The following CSGALNACT1 variants were observed in gnomAD, a reference collection of about 807,000 sequenced individuals.
CSGALNACT1 encodes beta4GalNAcT-1.
A neutral mutation model predicts 51.0 loss-of-function variants in CSGALNACT1; 52 were observed. That is an observed-to-expected ratio of 1.02 (90% CI 0.82 to 1.29). The LOEUF is 1.29. CSGALNACT1 is among the 50% of genes most tolerant of loss of function. The pLI, the probability that CSGALNACT1 is intolerant of heterozygous loss-of-function variation, is 0.00. For missense variants in CSGALNACT1, 935 were observed against 679.2 expected (o/e 1.38, Z -4.19); for synonymous variants, 341 against 254.4 (o/e 1.34, Z -3.24).
intron 3 of CSGALNACT1, chr8:19,588,006 C>T (rs774873030): frequency 6.6e-5 from 10 of 152,074 alleles, no homozygotes; most frequent in African/African-American, 2.2e-4. Context: ...GCCTGGTCAA[C>T]GTTGCAAAAC....
chr8:19,647,661 A>C (rs1314348676), intron 1 of CSGALNACT1, among the ~76,000 whole-genome samples: 7 of 152,216 alleles, frequency 4.6e-5, no homozygotes, highest in African/African-American at 1.7e-4. Flanking sequence ...ATGGCTGCAT[A>C]ATTTACAAAA....
upstream of CSGALNACT1, among the ~76,000 whole-genome samples, chr8:19,683,901 C>T (rs937154806): frequency 6.6e-6 from 1 of 152,110 alleles, no homozygotes; most frequent in Non-Finnish European, 1.5e-5. Context: ...AGTGGTGGCT[C>T]ATGCCTGTAA....
intron 3 of CSGALNACT1, among the ~76,000 whole-genome samples, chr8:19,529,242 C>T (rs935182532): frequency 6.6e-6 from 1 of 152,102 alleles, no homozygotes; most frequent in Non-Finnish European, 1.5e-5. Flanking sequence ...GAAATGGAGA[C>T]AATGAATATG....
chr8:19,436,865 C>G (rs2060466323), intron 6 of CSGALNACT1, among the ~76,000 whole-genome samples: 1 of 152,212 alleles, frequency 6.6e-6, no homozygotes, highest in Non-Finnish European at 1.5e-5. Context: ...GAGGTATGAT[C>G]ACACCACTGC....
chr8:19,657,785 G>C (rs6421414), intron 1 of CSGALNACT1, among the ~76,000 whole-genome samples: 127,443 of 152,070 alleles, frequency 0.84, 53,681 homozygotes, highest in East Asian at 0.98. Context: ...CATGCGGGAG[G>C]AAATTATATG....
intron 1 of CSGALNACT1, among the ~76,000 whole-genome samples, chr8:19,658,805 G>T (rs2058517780): frequency 6.6e-6 from 1 of 152,132 alleles, no homozygotes; most frequent in Non-Finnish European, 1.5e-5. Context: ...ATTTTCATTA[G>T]CTATGACATT....
chr8:19,560,108 A>G (rs1403946654), intron 3 of CSGALNACT1, among the ~76,000 whole-genome samples: 2 of 152,212 alleles, frequency 1.3e-5, no homozygotes, highest in Admixed American at 1.3e-4. Flanking sequence ...TTGCATAGGT[A>G]GTAAGTAGAA....
chr8:19,450,742 C>G (rs1341785750), intron 5 of CSGALNACT1, among the ~76,000 whole-genome samples: 2 of 151,976 alleles, frequency 1.3e-5, no homozygotes, highest in African/African-American at 2.4e-5. Context: ...CAGAGCAAGA[C>G]TTTGTCTCTA....
At position 19,461,811 on chromosome 8, in the gene CSGALNACT1, AGCAGCCACATTAGCC is replaced by A. The variant is rs1253365370; in HGVS notation, c.635-3184_635-3170del. On this transcript the variant is annotated intron_variant, in intron 4 of 9. Transcript: ENST00000454498. ...TTCACCATGGAGGGCGTATCCCCAC[AGCAGCCACATTAGCC>A]ATGGAGGGTGTATCTGCACAGCAGC... 4.9e-4 allele frequency among the ~76,000 whole-genome samples: 45 copies of A among 92,566 alleles called. 15 individuals are homozygous for A. In the East Asian group the frequency reaches 5.5e-3, roughly 11 times the overall value. 60.7% of individuals were successfully genotyped at this position (92,566 alleles called of 152,430 possible).
chr8:19,612,946 GAAAAAAAAAAAAA>G (rs1165754811), intron 1 of CSGALNACT1, among the ~76,000 whole-genome samples: 656 of 15,454 alleles, frequency 0.042, 23 homozygotes, highest in African/African-American at 0.083. Context: ...AAAGCAGCTG[GAAAAAAAAAAAAA>G]AAAAAAAAAA....
At chr8:19,659,272 T>G (rs1192443348) in intron 1 of CSGALNACT1, among the ~76,000 whole-genome samples, 1 of 152,224 alleles carries the variant, frequency 6.6e-6, no homozygotes, top group Non-Finnish European at 1.5e-5. Flanking sequence ...CAGCTCCATT[T>G]TGCCTGTGTC....
At chr8:19,598,487 T>C (rs1422206462) in intron 2 of CSGALNACT1, among the ~76,000 whole-genome samples, 1 of 152,244 alleles carries the variant, frequency 6.6e-6, no homozygotes, top group Non-Finnish European at 1.5e-5. Context: ...TACTTTTCTC[T>C]GGCTTTTCAA....
At chr8:19,434,499 T>A (rs575412613) in intron 6 of CSGALNACT1, among the ~76,000 whole-genome samples, 1 of 152,334 alleles carries the variant, frequency 6.6e-6, no homozygotes, top group South Asian at 2.1e-4. Flanking sequence ...AGAAGCAAGA[T>A]ACTCTCCTGG....
chr8:19,648,378 G>A (rs1216671952), intron 1 of CSGALNACT1, among the ~76,000 whole-genome samples: 1 of 152,190 alleles, frequency 6.6e-6, no homozygotes, highest in African/African-American at 2.4e-5. Flanking sequence ...ATTCTGTGAA[G>A]AGCAATTCAT....
intron 8 of CSGALNACT1, among the ~76,000 whole-genome samples, chr8:19,418,420 G>A (rs933485486): frequency 6.6e-6 from 1 of 150,750 alleles, no homozygotes; most frequent in Non-Finnish European, 1.5e-5. Context: ...AACTATGAAG[G>A]TGTGAAATTA....
intron 1 of CSGALNACT1, among the ~76,000 whole-genome samples, chr8:19,618,283 G>A (rs2053311558): frequency 6.6e-6 from 1 of 152,080 alleles, no homozygotes; most frequent in Non-Finnish European, 1.5e-5. Flanking sequence ...TATATACCCT[G>A]AAAATTATGA....
intron 1 of CSGALNACT1, among the ~76,000 whole-genome samples, chr8:19,754,844 C>T (rs988331682): frequency 2.6e-5 from 4 of 152,166 alleles, no homozygotes; most frequent in African/African-American, 9.7e-5. Context: ...CCTCTCCAAC[C>T]CGGCTTTATA....
intron 1 of CSGALNACT1, among the ~76,000 whole-genome samples, chr8:19,670,834 G>A (rs1012855291): frequency 1.2e-4 from 19 of 152,146 alleles, no homozygotes; most frequent in African/African-American, 4.1e-4. Context: ...AGTAGCTTTT[G>A]GCCCCTTTGG....
At chr8:19,532,254 C>T (rs1303742295) in intron 3 of CSGALNACT1, among the ~76,000 whole-genome samples, 1 of 152,138 alleles carries the variant, frequency 6.6e-6, no homozygotes, top group African/African-American at 2.4e-5. Flanking sequence ...GGAAGCCCAG[C>T]AGCCATGGCT....
Sources: gnomAD v4.1 joint callset for allele counts (sites outside exome capture counted in the v4.1 genomes callset) on GRCh38, gnomAD v4.1.1 for gene constraint, MANE v1.5 for transcripts, NCBI Gene and HGNC (gene_info 2026-07-23, HGNC 2026-07-21) for gene names.